Variants in PPP6R2 observed in about 807,000 individuals in gnomAD.
PPP6R2 encodes serine/threonine-protein phosphatase 6 regulatory subunit 2.
PPP6R2 carries 62 observed loss-of-function variants against 100.2 expected under a neutral mutation model. That is an observed-to-expected ratio of 0.62 (90% CI 0.50 to 0.76). The LOEUF (loss-of-function observed/expected upper bound fraction) is 0.76, where lower values mean the gene tolerates loss of function less well. Ranked by LOEUF, PPP6R2 falls within the 30% of genes least tolerant of loss-of-function variation. The pLI is 0.00. For missense variants in PPP6R2, 1,142 were observed against 1,276.3 expected, an observed-to-expected ratio of 0.89 and a Z score of 1.60; for synonymous variants, 525 against 514.7, an observed-to-expected ratio of 1.02 and a Z score of -0.27.
chr22:50,408,965 T>G (rs374989420), intron 4 of PPP6R2, among the ~76,000 whole-genome samples: 9 of 152,142 alleles, frequency 5.9e-5, no homozygotes, highest in African/African-American at 2.2e-4. Flanking sequence ...AAATACAAAA[T>G]TAGCCGGGCG....
At chr22:50,335,558 C>A in the PPP6R2 span, among the ~76,000 whole-genome samples, 3 of 151,568 alleles carry the variant, frequency 2.0e-5, no homozygotes, top group African/African-American at 7.3e-5. Flanking sequence ...TGTCGCCAGG[C>A]TGGAGTGCAG....
intron 22 of PPP6R2, among the ~76,000 whole-genome samples, chr22:50,442,781 T>C (rs1050493964): frequency 2.6e-5 from 4 of 151,762 alleles, no homozygotes; most frequent in African/African-American, 4.8e-5. Context: ...CTCGATCTCC[T>C]GACCTCATGA....
At chr22:50,358,109 G>T (rs1473490041) in intron 1 of PPP6R2, among the ~76,000 whole-genome samples, 1 of 150,320 alleles carries the variant, frequency 6.7e-6, no homozygotes, top group Non-Finnish European at 1.5e-5. Flanking sequence ...ACCACACCTG[G>T]ATAATTTAAA....
At position 50,423,427 on chromosome 22, in the gene PPP6R2, A is replaced by C. The variant is rs759872881; in HGVS notation, c.973-35A>C. On this transcript the variant is annotated intron_variant, in intron 9 of 23. Transcript: ENST00000612753. The surrounding 1 kb of genome is among the most constrained non-coding windows in gnomAD (Gnocchi z 4.8). ...CTCCAGCAGTGGCCTCACTGCTCAC[A>C]GGGCCTAACTGGGTGGTGCCTTCTG... 6.2e-7 allele frequency: 1 copy of C among 1,612,746 alleles called. No homozygotes were observed. The highest frequency in any genetic ancestry group is 8.5e-7 in the Non-Finnish European group (1 of 1,178,924).
At chr22:50,338,388 T>C (rs2042327283), upstream of PPP6R2, among the ~76,000 whole-genome samples, 1 of 140,828 alleles carries the variant, frequency 7.1e-6, no homozygotes, top group Non-Finnish European at 1.5e-5. Context: ...ATATAGTGTC[T>C]GTGGTATGTG....
intron 1 of PPP6R2, among the ~76,000 whole-genome samples, chr22:50,355,532 T>TTTTTTTTTTTTTTTC: frequency 9.0e-6 from 1 of 110,756 alleles, no homozygotes; most frequent in Non-Finnish European, 1.9e-5. Flanking sequence ...CCCGGCCTTT[T>TTTTTTTTTTTTTTTC]TTTTTTGAGA....
intron 17 of PPP6R2, 38 bp from the exon 18 acceptor site, chr22:50,438,136 G>T: frequency 6.3e-7 from 1 of 1,592,038 alleles, no homozygotes; most frequent in South Asian, 1.1e-5. Context: ...GTCTCCCCCA[G>T]ACCCTCTGGA....
chr22:50,367,941 G>C (rs1282475035), intron 1 of PPP6R2, among the ~76,000 whole-genome samples: 2 of 152,200 alleles, frequency 1.3e-5, no homozygotes, highest in African/African-American at 2.4e-5. Context: ...GCAGGGTAAG[G>C]AGTGTGAGTG....
At chr22:50,412,962 T>G (rs370541916) in intron 4 of PPP6R2, among the ~76,000 whole-genome samples, 176 of 144,262 alleles carry the variant, frequency 1.2e-3, no homozygotes, top group African/African-American at 4.4e-3. Flanking sequence ...GTCCTTTTTT[T>G]TTTGTTTTTT....
intron 2 of PPP6R2, among the ~76,000 whole-genome samples, chr22:50,373,092 A>G (rs1360141364): frequency 6.6e-6 from 1 of 152,130 alleles, no homozygotes; most frequent in African/African-American, 2.4e-5. Flanking sequence ...ATACACTGTC[A>G]CAGTTGCCAT....
chr22:50,368,795 C>CT (rs1382276111), intron 1 of PPP6R2, among the ~76,000 whole-genome samples: 1 of 152,068 alleles, frequency 6.6e-6, no homozygotes, highest in East Asian at 1.9e-4. Flanking sequence ...GTAGCTGGGA[C>CT]TGCAGGCGTG....
chr22:50,352,267 T>C (rs1042208550), intron 1 of PPP6R2, among the ~76,000 whole-genome samples: 9 of 152,310 alleles, frequency 5.9e-5, no homozygotes, highest in African/African-American at 1.2e-4. Context: ...CCTTGCACTT[T>C]AGTATGTTAT....
At chr22:50,346,957 C>G (rs1055347379) in intron 1 of PPP6R2, among the ~76,000 whole-genome samples, 11 of 151,692 alleles carry the variant, frequency 7.3e-5, no homozygotes, top group Non-Finnish European at 1.3e-4. Context: ...AGTCCAAGCG[C>G]TCTGTGACCC....
chr22:50,428,870 G>A (rs539458736), intron 10 of PPP6R2, among the ~76,000 whole-genome samples: 1 of 152,272 alleles, frequency 6.6e-6, no homozygotes, highest in South Asian at 2.1e-4. Flanking sequence ...AATAGCAGTG[G>A]TGAGAGTGGG....
chr22:50,331,346 G>A, the PPP6R2 span, among the ~76,000 whole-genome samples: 3,928 of 151,946 alleles, frequency 0.026, 79 homozygotes, highest in East Asian at 0.089. Flanking sequence ...TGGGCTGTAT[G>A]GTAAGTTTAT....
intron 1 of PPP6R2, among the ~76,000 whole-genome samples, chr22:50,364,639 A>C (rs542440951): frequency 1.3e-5 from 2 of 152,228 alleles, no homozygotes; most frequent in African/African-American, 4.8e-5. Flanking sequence ...TGACAAAGGT[A>C]GCTATAGATG....
At chr22:50,428,680 G>A (rs571330097) in intron 10 of PPP6R2, among the ~76,000 whole-genome samples, 122 of 152,020 alleles carry the variant, frequency 8.0e-4, no homozygotes, top group Non-Finnish European at 1.5e-3. Context: ...ACGCCACTGT[G>A]TGTACTTCAG....
At position 50,378,385 on chromosome 22, in the gene PPP6R2, G is replaced by A. The variant is rs894328120; in HGVS notation, c.-17+6235G>A. On this transcript the variant is annotated intron_variant, in intron 2 of 23. Coordinates refer to ENST00000612753, the MANE Select transcript of PPP6R2 (RefSeq NM_001242898.2). ...GTGGATCACCTGAGGTGGGGAGTTC[G>A]AGACCAGCCTGACCAGCGTGGAGAA... Among the ~76,000 whole-genome samples, 287 of 152,212 alleles carry A rather than the reference G, an allele frequency of 1.9e-3. 3 individuals are homozygous for A. Among genetic ancestry groups the A allele is most frequent in the East Asian group, 1.9e-3 (10 of 5,168 alleles).
chr22:50,435,067 G>A lies in PPP6R2; in HGVS notation c.1502G>A (p.Ser501Asn). 3 of 1,563,326 alleles carry A rather than the reference G, an allele frequency of 1.9e-6. No homozygotes were observed. The highest frequency in any genetic ancestry group is 2.6e-6 in the Non-Finnish European group (3 of 1,152,302). Residue 501 changes from serine (S) to asparagine (N), a missense_variant, in exon 13 of 24, where the codon AGC becomes AAC. Ser to Asn is a conservative substitution (Grantham distance 46). Transcript: ENST00000612753. ...CGGGGCCCTGTGCAGACGCACATCA[G>A]CGAGGTCATCCGAGGTGAGCCCCCA... ...LERGPVQTHISEVIRGLPADC... is the reference protein window; with the variant it reads ...LERGPVQTHINEVIRGLPADC...
Sources: gnomAD v4.1 joint callset for allele counts (sites outside exome capture counted in the v4.1 genomes callset) on GRCh38, gnomAD v4.1.1 for gene constraint, Gnocchi (gnomAD v3.1) non-coding constraint, MANE v1.5 for transcripts, NCBI Gene and HGNC (gene_info 2026-07-23, HGNC 2026-07-21) for gene names.